TNFRSF11A: variants seen among roughly 807,000 people sequenced by gnomAD.
TNFRSF11A encodes TNF receptor superfamily member 11a.
In TNFRSF11A, 32 loss-of-function variants were observed where a neutral mutation model predicts 55.7. That is an observed-to-expected ratio of 0.57 (90% CI 0.43 to 0.77). The LOEUF is 0.77. TNFRSF11A is among the 30% of genes least tolerant of loss of function. The pLI, the probability that TNFRSF11A is intolerant of heterozygous loss-of-function variation, is 0.00. For missense variants in TNFRSF11A, 753 were observed against 809.8 expected, an observed-to-expected ratio of 0.93 and a Z score of 0.85; for synonymous variants, 311 against 331.0, an observed-to-expected ratio of 0.94 and a Z score of 0.65.
chr18:62,349,929 G>A lies in TNFRSF11A; in HGVS notation c.275G>A (p.Cys92Tyr), dbSNP rs1383013843. ...GATAAATGCTTGCTGCATAAAGTTT[G>A]TGATACAGGTGAGCCCGTCCTGTCA... ...EEDKCLLHKV[C>Y]DTGKALVAVV... The change falls in exon 3 of 10, where the codon TGT becomes TAT. Residue 92 changes from cysteine to tyrosine, a missense_variant. This residue lies in a region of TNFRSF11A where 156 missense variants were observed against 155.1 expected (regional missense o/e 1.01). Coordinates refer to ENST00000586569, the MANE Select transcript of TNFRSF11A (RefSeq NM_003839.4). 1.9e-5 allele frequency: 31 copies of A among 1,613,852 alleles called. No homozygotes were observed. The highest frequency in any genetic ancestry group is 2.5e-5 in the Non-Finnish European group (30 of 1,179,906).
At chr18:62,362,695 G>A (rs1909785741) in intron 7 of TNFRSF11A, among the ~76,000 whole-genome samples, 2 of 150,802 alleles carry the variant, frequency 1.3e-5, no homozygotes, top group Non-Finnish European at 1.5e-5. Flanking sequence ...TAATTTTTAC[G>A]AAAGGATTCA....
At chr18:62,375,689 C>T (rs1910843579) in intron 9 of TNFRSF11A, among the ~76,000 whole-genome samples, 1 of 152,106 alleles carries the variant, frequency 6.6e-6, no homozygotes, top group Non-Finnish European at 1.5e-5. Flanking sequence ...TAGTAAGCGA[C>T]AAAGCCATGG....
At chr18:62,384,221 C>T (rs1395080794) in intron 9 of TNFRSF11A, among the ~76,000 whole-genome samples, 1 of 152,060 alleles carries the variant, frequency 6.6e-6, no homozygotes, top group African/African-American at 2.4e-5. Context: ...TAGGCTTGCT[C>T]GTTTCTCATC....
rs11289576 is a variant in TNFRSF11A at position 62,335,129 on chromosome 18, A to ATTTTTTTTTTTTTTTTTTTTTT, written c.75+9718_75+9719insTTTTTTTTTTTTTTTTTTTTTT. Reference sequence around the variant, plus strand: ...CTGTGACCAAGCCACTGGGGTCGGAATTTTTTTTTTTTTTTTGTTACCCAG... The same window carrying ATTTTTTTTTTTTTTTTTTTTTT: ...CTGTGACCAAGCCACTGGGGTCGGAATTTTTTTTTTTTTTTTTTTTTTTTTTTTTTTTTTTTTTGTTACCCAG... On this transcript the variant is annotated intron_variant, in intron 1 of 9. Coordinates refer to ENST00000586569, the MANE Select transcript of TNFRSF11A (RefSeq NM_003839.4). Among the ~76,000 whole-genome samples the ATTTTTTTTTTTTTTTTTTTTTT allele has an allele frequency of 1.5e-4, 21 of 140,712 alleles. 1 individual carries two copies. The highest frequency in any genetic ancestry group is 2.1e-4 in the Admixed American group (3 of 13,986). The allele number at this position is 140,712 out of a possible 152,430, so 92.3% of individuals were successfully genotyped here. A position where few individuals can be genotyped will look rare whatever the true frequency, so the allele number is the denominator to read the frequency against.
intron 9 of TNFRSF11A, 35 bp from the exon 10 acceptor site, chr18:62,384,716 C>T (rs1305642735): frequency 1.2e-6 from 2 of 1,606,208 alleles, no homozygotes; most frequent in Admixed American, 1.7e-5. Flanking sequence ...GGCGCTGACT[C>T]ACCCTCCCCG....
chr18:62,377,625 T>C, intron 9 of TNFRSF11A, among the ~76,000 whole-genome samples: 1 of 152,238 alleles, frequency 6.6e-6, no homozygotes, highest in East Asian at 1.9e-4. Flanking sequence ...GCATAAATTC[T>C]CACTTCCCTA....
Position 62,369,145 on chromosome 18 carries a change from A to G in TNFRSF11A, c.1228A>G (p.Arg410Gly). Residue 410 changes from arginine to glycine, a missense_variant, in exon 9 of 10, where the codon AGG (arginine) becomes GGG (glycine). This residue lies in a region of TNFRSF11A where 567 missense variants were observed against 596.7 expected (regional missense o/e 0.95). Transcript: ENST00000586569. ...ESCNCTEPLC[R>G]TDWTPMSSEN... ...CTGCAACTGCACTGAGCCCCTGTGC[A>G]GGACTGATTGGACTCCCATGTCCTC... 1 of 1,614,148 alleles carries G rather than the reference A, an allele frequency of 6.2e-7. No individual in the cohort carries two copies. Among genetic ancestry groups the G allele is most frequent in the Non-Finnish European group, 8.5e-7 (1 of 1,180,048 alleles).
Position 62,354,453 on chromosome 18 carries a change from G to T in TNFRSF11A, c.346G>T (p.Ala116Ser). The change falls in exon 4 of 10, where the codon GCT becomes TCT. Residue 116 changes from alanine to serine, a missense_variant. By Grantham distance (99) the Ala-to-Ser change is moderately conservative (BLOSUM62 1). This residue lies in a region of TNFRSF11A where 156 missense variants were observed against 155.1 expected (regional missense o/e 1.01). Transcript: ENST00000586569. ...GACCCCCCGGCGCTGCGCGTGCACGGCTGGGTACCACTGGAGCCAGGACTG... is the reference window on the plus strand; with the variant it reads ...GACCCCCCGGCGCTGCGCGTGCACGTCTGGGTACCACTGGAGCCAGGACTG... ...STTPRRCACT[A>S]GYHWSQDCEC... 1 of 1,600,688 alleles carries T rather than the reference G, an allele frequency of 6.2e-7. No homozygotes were observed. The highest frequency in any genetic ancestry group is 8.5e-7 in the Non-Finnish European group (1 of 1,179,060).
chr18:62,332,659 T>C (rs2046172072), intron 1 of TNFRSF11A, among the ~76,000 whole-genome samples: 1 of 152,234 alleles, frequency 6.6e-6, no homozygotes. Context: ...TTGTTGAAGA[T>C]TGTTAGCCCA....
At position 62,387,708 on chromosome 18, in the gene TNFRSF11A, C is replaced by G. The variant is rs9954858; in HGVS notation, c.*2674C>G. 1 of 152,100 alleles carries G rather than the reference C, an allele frequency of 6.6e-6. No individual in the cohort carries two copies. Among genetic ancestry groups the G allele is most frequent in the Admixed American group, 6.5e-5 (1 of 15,274 alleles). 9.4% of individuals were successfully genotyped at this position (152,100 alleles called of 1,614,324 possible). ...TCCTACTCACATTTTACTCAGCTGTCGGAAGGAAGAATGAATTTCTCAAGA... is the reference window on the plus strand; with the variant it reads ...TCCTACTCACATTTTACTCAGCTGTGGGAAGGAAGAATGAATTTCTCAAGA... On this transcript the variant is annotated 3_prime_UTR_variant, in exon 10 of 10. Coordinates refer to ENST00000586569, the MANE Select transcript of TNFRSF11A (RefSeq NM_003839.4).
intron 3 of TNFRSF11A, 137 bp from the exon 4 acceptor site, chr18:62,354,254 G>A: frequency 9.0e-7 from 1 of 1,114,252 alleles, no homozygotes; most frequent in Non-Finnish European, 1.2e-6. Context: ...TTCTCGAGCA[G>A]TGTCCTGGTG....
intron 1 of TNFRSF11A, among the ~76,000 whole-genome samples, chr18:62,334,263 C>T (rs1405309625): frequency 6.6e-6 from 1 of 152,162 alleles, no homozygotes; most frequent in Non-Finnish European, 1.5e-5. Context: ...GTCCATGTGC[C>T]AGTTGATCCC....
intron 8 of TNFRSF11A, chr18:62,367,537 G>A (rs1910178091): frequency 6.6e-6 from 1 of 152,332 alleles, no homozygotes; most frequent in African/African-American, 2.4e-5. Context: ...CTCTGTATGT[G>A]TGTATATGAA....
intron 1 of TNFRSF11A, among the ~76,000 whole-genome samples, chr18:62,340,409 G>C (rs2046295681): frequency 6.6e-6 from 1 of 151,640 alleles, no homozygotes; most frequent in Admixed American, 6.6e-5. Context: ...ATAGAGACAG[G>C]GTCTCAAACT....
rs1911695690 is a variant in TNFRSF11A, at chr18:62,385,819, CAGT to C, written c.*786_*788del. The C allele has an allele frequency of 6.6e-6, 1 of 152,224 alleles. No homozygotes were observed. The highest frequency in any genetic ancestry group is 1.9e-4 in the East Asian group (1 of 5,196). The allele number at this position is 152,224 out of a possible 1,614,324, so 9.4% of individuals were successfully genotyped here. On this transcript the variant is annotated 3_prime_UTR_variant, in exon 10 of 10. Transcript: ENST00000586569. ...GTATTTTCTTTTGTGCCCCTGCTCA[CAGT>C]GTTTTAGAGATGGCTTTCCCAGTGT...
At chr18:62,349,424 G>A (rs764425179) in intron 2 of TNFRSF11A, among the ~76,000 whole-genome samples, 7 of 152,062 alleles carry the variant, frequency 4.6e-5, no homozygotes, top group Non-Finnish European at 7.4e-5. Flanking sequence ...CAGGTGATCC[G>A]CCCGTCTCCG....
At chr18:62,367,788 CTTTTTTTTTT>C (rs67721371) in intron 8 of TNFRSF11A, among the ~76,000 whole-genome samples, 1 of 78,670 alleles carries the variant, frequency 1.3e-5, no homozygotes, top group Non-Finnish European at 2.3e-5. Flanking sequence ...TCTTCTTCTT[CTTTTTTTTTT>C]TTTTTTTTTT....
Position 62,385,320 on chromosome 18 carries a change from A to G in TNFRSF11A, c.*286A>G. On this transcript the variant is annotated 3_prime_UTR_variant, in exon 10 of 10. Transcript: ENST00000586569. Reference sequence around the variant, plus strand: ...AGTAATTTGTGGCACTATGACAGCTATTTTTATGACTATCCTGTTCTGTGG... The same window carrying G: ...AGTAATTTGTGGCACTATGACAGCTGTTTTTATGACTATCCTGTTCTGTGG... 2 of 325,720 alleles carry G rather than the reference A, an allele frequency of 6.1e-6. No homozygotes were observed. Among genetic ancestry groups the G allele is most frequent in the Non-Finnish European group, 1.1e-5 (2 of 183,296 alleles). The allele number at this position is 325,720 out of a possible 1,614,324, so 20.2% of individuals were successfully genotyped here.
chr18:62,377,174 C>T (rs1056214466), intron 9 of TNFRSF11A, among the ~76,000 whole-genome samples: 1 of 152,212 alleles, frequency 6.6e-6, no homozygotes, highest in Non-Finnish European at 1.5e-5. Context: ...CTCGGCCTCC[C>T]AAAGTGCTGG....
Sources: gnomAD v4.1 joint callset for allele counts (sites outside exome capture counted in the v4.1 genomes callset) on GRCh38, gnomAD v4.1.1 for gene constraint, gnomAD v4.1.1 regional missense constraint, MANE v1.5 for transcripts, NCBI Gene and HGNC (gene_info 2026-07-23, HGNC 2026-07-21) for gene names.